The following CHST8 variants were observed in gnomAD, a reference collection of about 807,000 sequenced individuals.
The protein encoded by CHST8 is carbohydrate sulfotransferase 8.
Under a neutral mutation model 15.0 loss-of-function variants are expected in CHST8, and 10 were observed. That is an observed-to-expected ratio of 0.67 (90% CI 0.41 to 1.13). CHST8 has a LOEUF of 1.13. CHST8 is among the 50% of genes most tolerant of loss of function. The pLI, the probability that CHST8 is intolerant of heterozygous loss-of-function variation, is 0.00. For synonymous variants in CHST8, 259 were observed against 256.6 expected, an observed-to-expected ratio of 1.01 and a Z score of -0.09; for missense variants, 634 against 608.2, an observed-to-expected ratio of 1.04 and a Z score of -0.45.
rs183532898 is a variant in CHST8 at position 33,662,585 on chromosome 19, T to C, written c.-163-5182T>C. Among the ~76,000 whole-genome samples the C allele has an allele frequency of 3.5e-4, 53 of 151,718 alleles. 1 individual carries two copies. In the East Asian group the frequency reaches 8.8e-3, roughly 25 times the overall value. ...GAATGCTGTGAGGGGGTGCCTGGAG[T>C]CCCAGCGTTACGCATTGACCAGCGC... On this transcript the variant is annotated intron_variant, in intron 1 of 4. Transcript: ENST00000650847.
At chr19:33,687,579 C>G (rs1471986590) in intron 2 of CHST8, among the ~76,000 whole-genome samples, 1 of 152,172 alleles carries the variant, frequency 6.6e-6, no homozygotes, top group Non-Finnish European at 1.5e-5. Context: ...GTCCAGATAG[C>G]CCAGCGTCAG....
chr19:33,651,123 A>G (rs977383420), intron 1 of CHST8, among the ~76,000 whole-genome samples: 1 of 152,122 alleles, frequency 6.6e-6, no homozygotes, highest in African/African-American at 2.4e-5. Context: ...AATTTCTCTT[A>G]TTTTTATTTG....
At chr19:33,650,452 T>C (rs1324065106) in intron 1 of CHST8, among the ~76,000 whole-genome samples, 2 of 151,240 alleles carry the variant, frequency 1.3e-5, no homozygotes, top group African/African-American at 4.8e-5. Flanking sequence ...GTTGGAAGGA[T>C]TTTTTTAATC....
At chr19:33,675,542 C>T (rs541449239) in intron 2 of CHST8, among the ~76,000 whole-genome samples, 5 of 152,316 alleles carry the variant, frequency 3.3e-5, no homozygotes, top group South Asian at 2.1e-4. Flanking sequence ...GTGTCCAATG[C>T]GTGGTCTCAC....
At chr19:33,641,951 G>T (rs1972289784) in intron 1 of CHST8, among the ~76,000 whole-genome samples, 1 of 152,220 alleles carries the variant, frequency 6.6e-6, no homozygotes, top group Admixed American at 6.5e-5. Context: ...CAAACCATAT[G>T]TCTGTATATT....
chr19:33,640,955 G>GGAGCCCA (rs1314734471), intron 1 of CHST8, among the ~76,000 whole-genome samples: 1 of 152,160 alleles, frequency 6.6e-6, no homozygotes, highest in East Asian at 1.9e-4. Flanking sequence ...CTTGCCCAAA[G>GGAGCCCA]TCACACCCCA....
chr19:33,654,104 T>C (rs1269216184), intron 1 of CHST8, among the ~76,000 whole-genome samples: 1 of 152,252 alleles, frequency 6.6e-6, no homozygotes, highest in Non-Finnish European at 1.5e-5. Flanking sequence ...CCTTGTCTCC[T>C]AGTTTACTAA....
In CHST8 at chr19:33,636,174, T is replaced by A. The variant is rs578054016; in HGVS notation, c.-164+13878T>A. On this transcript the variant is annotated intron_variant, in intron 1 of 4. Coordinates refer to ENST00000650847, the MANE Select transcript of CHST8 (RefSeq NM_001127895.2). ...AGATTTGAGGAATCATTCAGTAACG[T>A]TTTACGAGTCGATGCTAATTTGATG... is the stretch of plus-strand genomic sequence containing the variant. Among the ~76,000 whole-genome samples, 8 of 151,968 alleles carry A rather than the reference T, an allele frequency of 5.3e-5. No individual in the cohort carries two copies. In the East Asian group the frequency reaches 1.5e-3, roughly 29 times the overall value.
rs184071352 is a variant in CHST8 at position 33,727,461 on chromosome 19, C to T, written c.130+38070C>T. 1.2e-3 allele frequency among the ~76,000 whole-genome samples: 179 copies of T among 152,336 alleles called. 1 individual carries two copies. Among genetic ancestry groups the T allele is most frequent in the Non-Finnish European group, 2.0e-3 (139 of 68,032 alleles). ...ATTCATGCACATGAGTGTCCATGCA[C>T]ATGTGTGTGCCACAGAGTCCCAGAG... On this transcript the variant is annotated intron_variant, in intron 3 of 4. Transcript: ENST00000650847.
chr19:33,736,895 G>T (rs2145333951), intron 3 of CHST8, among the ~76,000 whole-genome samples: 1 of 152,256 alleles, frequency 6.6e-6, no homozygotes, highest in Middle Eastern at 3.4e-3. Context: ...GAAAAAACAG[G>T]ATGCAGTAGA....
chr19:33,650,054 A>T (rs1020718967), intron 1 of CHST8, among the ~76,000 whole-genome samples: 12 of 152,176 alleles, frequency 7.9e-5, no homozygotes, highest in Non-Finnish European at 1.5e-4. Flanking sequence ...TTGGTGTCTT[A>T]CTGCCACAAA....
At chr19:33,747,675 G>A (rs1042583635) in intron 3 of CHST8, among the ~76,000 whole-genome samples, 1 of 152,132 alleles carries the variant, frequency 6.6e-6, no homozygotes, top group African/African-American at 2.4e-5. Flanking sequence ...GGGCAAAGAG[G>A]GAGCGTCAAT....
chr19:33,642,877 G>A (rs944721622), intron 1 of CHST8, among the ~76,000 whole-genome samples: 1 of 152,152 alleles, frequency 6.6e-6, no homozygotes. Context: ...CACATAACCT[G>A]TTTAATCACT....
intron 3 of CHST8, among the ~76,000 whole-genome samples, chr19:33,728,769 C>G (rs903883058): frequency 2.0e-5 from 3 of 152,110 alleles, no homozygotes; most frequent in Admixed American, 2.0e-4. Flanking sequence ...GAAGCAGACC[C>G]CACTTCTTCG....
At chr19:33,692,788 G>A (rs1973123075) in intron 3 of CHST8, among the ~76,000 whole-genome samples, 1 of 152,054 alleles carries the variant, frequency 6.6e-6, no homozygotes, top group African/African-American at 2.4e-5. Flanking sequence ...TTTACGAGCT[G>A]CTTTCTTTGT....
intron 2 of CHST8, chr19:33,684,670 T>A (rs1972943333): frequency 6.6e-6 from 1 of 151,934 alleles, no homozygotes; most frequent in Non-Finnish European, 1.5e-5. Flanking sequence ...AGAACTAGTC[T>A]GACAAAACAG....
At position 33,631,137 on chromosome 19, in the gene CHST8, T is replaced by C. The variant is rs529915309; in HGVS notation, c.-164+8841T>C. On this transcript the variant is annotated intron_variant, in intron 1 of 4. Coordinates refer to ENST00000650847, the MANE Select transcript of CHST8 (RefSeq NM_001127895.2). ...GTCTATGCTGGTTGGGCTCAGCATGTGATTCAGCAATCTGCCCACACAGGT... is the reference window on the plus strand; with the variant it reads ...GTCTATGCTGGTTGGGCTCAGCATGCGATTCAGCAATCTGCCCACACAGGT... Among the ~76,000 whole-genome samples the C allele has an allele frequency of 1.6e-4, 25 of 152,360 alleles. No homozygotes were observed. The South Asian group carries it at 5.2e-3, about 32-fold the overall frequency.
intron 2 of CHST8, among the ~76,000 whole-genome samples, chr19:33,679,869 T>C (rs1228099333): frequency 6.6e-6 from 1 of 152,204 alleles, no homozygotes; most frequent in Non-Finnish European, 1.5e-5. Flanking sequence ...AGCCAGCCTC[T>C]AGTCCTCAAC....
At chr19:33,706,416 T>G (rs561541566) in intron 3 of CHST8, among the ~76,000 whole-genome samples, 1 of 152,260 alleles carries the variant, frequency 6.6e-6, no homozygotes, top group Non-Finnish European at 1.5e-5. Flanking sequence ...CTCACCTCAG[T>G]ATTACTATAC....
Sources: gnomAD v4.1 joint callset for allele counts (sites outside exome capture counted in the v4.1 genomes callset) on GRCh38, gnomAD v4.1.1 for gene constraint, MANE v1.5 for transcripts, NCBI Gene and HGNC (gene_info 2026-07-23, HGNC 2026-07-21) for gene names.